Variants in CYP27C1 observed in about 807,000 individuals in gnomAD.
CYP27C1 encodes cytochrome P450 27C1.
CYP27C1 carries 29 observed loss-of-function variants against 40.6 expected under a neutral mutation model. That is an observed-to-expected ratio of 0.71 (90% confidence interval 0.53 to 0.97). CYP27C1 has a LOEUF of 0.97. Ranked by LOEUF, CYP27C1 falls within the 50% of genes least tolerant of loss-of-function variation. CYP27C1 has a pLI of 0.00. For synonymous variants in CYP27C1, 198 were observed against 186.8 expected (o/e 1.06, Z -0.49); for missense variants, 390 against 485.8 (o/e 0.80, Z 1.85).
intron 8 of CYP27C1, among the ~76,000 whole-genome samples, chr2:127,192,643 G>C (rs921721580): frequency 6.8e-5 from 9 of 133,020 alleles, no homozygotes; most frequent in African/African-American, 2.5e-4. Context: ...GCTGCTGACG[G>C]TGCCTGAGAG....
intron 2 of CYP27C1, among the ~76,000 whole-genome samples, chr2:127,204,555 G>GAGAGAGAA (rs1553503372): frequency 1.2e-3 from 46 of 39,178 alleles, no homozygotes; most frequent in Non-Finnish European, 1.6e-3. Flanking sequence ...GAGAGAGAGA[G>GAGAGAGAA]AGAAAGAAAG....
chr2:127,199,622 A>T (rs539154801), intron 4 of CYP27C1, 83 bp from the exon 5 acceptor site: 1 of 1,414,582 alleles, frequency 7.1e-7, no homozygotes, highest in East Asian at 2.6e-5. Context: ...TCCTCCCAGT[A>T]GCTTAACTAA....
chr2:127,217,919 G>A (rs561091231), intron 1 of CYP27C1, among the ~76,000 whole-genome samples: 1 of 152,312 alleles, frequency 6.6e-6, no homozygotes, highest in South Asian at 2.1e-4. Flanking sequence ...GCTGCAGGAA[G>A]GTGAGAGTCC....
intron 8 of CYP27C1, among the ~76,000 whole-genome samples, chr2:127,192,208 T>C (rs1037997236): frequency 2.0e-5 from 3 of 152,148 alleles, no homozygotes; most frequent in Non-Finnish European, 4.4e-5. Flanking sequence ...TGGCTGTTGC[T>C]TTCTGAGCCT....
At chr2:127,198,186 TACACACAC>T (rs3033450) in intron 5 of CYP27C1, among the ~76,000 whole-genome samples, 3 of 148,072 alleles carry the variant, frequency 2.0e-5, no homozygotes, top group Non-Finnish European at 4.5e-5. Flanking sequence ...AATTTGTTGA[TACACACAC>T]ACACACACAC....
In CYP27C1 at chr2:127,195,089, G is replaced by A. The variant is rs1306499978; in HGVS notation, c.1214+246C>T. Among the ~76,000 whole-genome samples the A allele has an allele frequency of 6.6e-6, 1 of 152,144 alleles. No individual in the cohort carries two copies. Among genetic ancestry groups the A allele is most frequent in the African/African-American group, 2.4e-5 (1 of 41,436 alleles). Reference sequence around the variant, plus strand: ...AGGTAATCTGCCTTGGCCTCCCAAAGTGCTGGGATTACAGGCGTGAGCCAC... The same window carrying A: ...AGGTAATCTGCCTTGGCCTCCCAAAATGCTGGGATTACAGGCGTGAGCCAC... On this transcript the variant is annotated intron_variant, in intron 6 of 8. Transcript: ENST00000664447. This position sits in a 1 kb window ranked among gnomAD's most constrained non-coding sequence, Gnocchi z 6.2.
rs79738076 is a variant in CYP27C1, at chr2:127,187,043, G to T, written c.*228C>A. 0.017 allele frequency: 8,579 copies of T among 496,854 alleles called. 108 individuals are homozygous for T. Among genetic ancestry groups the T allele is most frequent in the Non-Finnish European group, 0.023 (6,330 of 276,218 alleles). The allele number at this position is 496,854 out of a possible 1,614,324, so 30.8% of individuals were successfully genotyped here. On this transcript the variant is annotated 3_prime_UTR_variant, in exon 9 of 9. Transcript: ENST00000664447. The stretch of plus-strand genomic sequence containing the variant: ...CACTGCCACTGGTTTTTAAACAGCT[G>T]TTTCCCCCAAAGAAAGGGCAACTTC...
Position 127,185,422 on chromosome 2 carries a change from TAA to T in CYP27C1, c.*1847_*1848del, listed in dbSNP as rs1682600383. The T allele has an allele frequency of 6.6e-6, 1 of 152,338 alleles. No homozygotes were observed. The highest frequency in any genetic ancestry group is 2.1e-4 in the South Asian group (1 of 4,826). 9.4% of individuals were successfully genotyped at this position (152,338 alleles called of 1,614,324 possible). A position where few individuals can be genotyped will look rare whatever the true frequency, so the allele number is the denominator to read the frequency against. On this transcript the variant is annotated 3_prime_UTR_variant, in exon 9 of 9. Coordinates refer to ENST00000664447, the MANE Select transcript of CYP27C1 (RefSeq NM_001367502.1). This position sits in a 1 kb window ranked among gnomAD's most constrained non-coding sequence, Gnocchi z 4.9. Reference sequence around the variant, plus strand: ...TCACACTGTATGTATACCCAGGGAATAAGAGGTCACTTCAAGTCGCTTAGTTA... The same window carrying T: ...TCACACTGTATGTATACCCAGGGAATGAGGTCACTTCAAGTCGCTTAGTTA...
intron 1 of CYP27C1, among the ~76,000 whole-genome samples, chr2:127,212,250 C>T (rs1041691316): frequency 2.0e-5 from 3 of 152,336 alleles, no homozygotes; most frequent in African/African-American, 7.2e-5. Flanking sequence ...CAAAGAGGAG[C>T]TGGTACCATT....
In CYP27C1 at chr2:127,196,212, A is replaced by G. The variant is rs139219773; in HGVS notation, c.1048-711T>C. Among the ~76,000 whole-genome samples the G allele has an allele frequency of 0.076, 11,487 of 151,598 alleles. 543 individuals carry two copies. The highest frequency in any genetic ancestry group is 0.14 in the African/African-American group (5,693 of 41,244). ...CGAGTAGCTGGGACTACAGGCGCTC[A>G]CCACCACGCCCGGCTAATTTTTTGT... On this transcript the variant is annotated intron_variant, in intron 5 of 8. Transcript: ENST00000664447. The surrounding 1 kb of genome is among the most constrained non-coding windows in gnomAD (Gnocchi z 4.5).
chr2:127,197,526 T>C (rs967447553), intron 5 of CYP27C1, among the ~76,000 whole-genome samples: 1 of 152,164 alleles, frequency 6.6e-6, no homozygotes, highest in African/African-American at 2.4e-5. Flanking sequence ...CCCCACCTGT[T>C]AATGAAGTCA....
In CYP27C1 at chr2:127,198,084, T is replaced by C. The variant is rs371412173; in HGVS notation, c.1047+1292A>G. On this transcript the variant is annotated intron_variant, in intron 5 of 8. Transcript: ENST00000664447. ...GATAGCCTGTGGGTTCCCCCCAGGT[T>C]AATGGGCAGTGCTCTGTCTCATTCT... Among the ~76,000 whole-genome samples, 7 of 152,166 alleles carry C rather than the reference T, an allele frequency of 4.6e-5. No homozygotes were observed. The East Asian group carries it at 1.4e-3, about 29-fold the overall frequency.
intron 1 of CYP27C1, among the ~76,000 whole-genome samples, chr2:127,211,365 T>TTTTTTG (rs1683332734): frequency 2.1e-5 from 2 of 96,788 alleles, no homozygotes; most frequent in African/African-American, 6.4e-5. Flanking sequence ...AGCAGTGTTT[T>TTTTTTG]TTTGTTTTTT....
rs1683213615 is a variant in CYP27C1, at chr2:127,205,783, A to AT, written c.473+116dup. The AT allele has an allele frequency of 3.1e-6, 3 of 983,198 alleles. No homozygotes were observed. The African/African-American group carries it at 5.3e-5, about 17-fold the overall frequency. The allele number at this position is 983,198 out of a possible 1,614,324, so 60.9% of individuals were successfully genotyped here. On this transcript the variant is annotated intron_variant, in intron 2 of 8. Transcript: ENST00000664447. ...CAAGGAGACTGTCTGATATCATTCCATGGGGGGGTTCTGTGCTTTTTTAAG... is the reference window on the plus strand; with the variant it reads ...CAAGGAGACTGTCTGATATCATTCCATTGGGGGGGTTCTGTGCTTTTTTAAG...
chr2:127,212,709 C>A (rs1423625192), intron 1 of CYP27C1, among the ~76,000 whole-genome samples: 1 of 152,196 alleles, frequency 6.6e-6, no homozygotes, highest in Non-Finnish European at 1.5e-5. Context: ...CAGCCAATAT[C>A]ATATTGAATG....
chr2:127,195,324 G>A lies in CYP27C1; in HGVS notation c.1214+11C>T, dbSNP rs1466297867. ...ACACAGTTTGTTGACGGATTCTGGC[G>A]AGCCTTTTACCTCAGGGTTTCCTTA... is the stretch of plus-strand genomic sequence containing the variant. On this transcript the variant is annotated intron_variant, in intron 6 of 8. Transcript: ENST00000664447. The surrounding 1 kb of genome is among the most constrained non-coding windows in gnomAD (Gnocchi z 6.2). The A allele has an allele frequency of 9.3e-6, 15 of 1,613,866 alleles. No homozygotes were observed. Among genetic ancestry groups the A allele is most frequent in the Non-Finnish European group, 1.2e-5 (14 of 1,179,954 alleles).
Position 127,201,399 on chromosome 2 carries a change from C to T in CYP27C1, c.674-68G>A, listed in dbSNP as rs980948206. On this transcript the variant is annotated intron_variant, in intron 3 of 8. Coordinates refer to ENST00000664447, the MANE Select transcript of CYP27C1 (RefSeq NM_001367502.1). The surrounding 1 kb of genome is among the most constrained non-coding windows in gnomAD (Gnocchi z 6.0). ...TACCATACCAACAGGCAATGTTGGG[C>T]CATAAATGCAACTTTCAAACGTGGT... 4.1e-6 allele frequency: 6 copies of T among 1,469,930 alleles called. No homozygotes were observed. Among genetic ancestry groups the T allele is most frequent in the Non-Finnish European group, 5.6e-6 (6 of 1,072,292 alleles). 91.1% of individuals were successfully genotyped at this position (1,469,930 alleles called of 1,614,324 possible). A position where few individuals can be genotyped will look rare whatever the true frequency, so the allele number is the denominator to read the frequency against.
In CYP27C1 at chr2:127,191,339, C is replaced by T. The variant is rs979241908; in HGVS notation, c.1497+1755G>A. On this transcript the variant is annotated intron_variant, in intron 8 of 8. Coordinates refer to ENST00000664447, the MANE Select transcript of CYP27C1 (RefSeq NM_001367502.1). ...AAGCAAAAACTTTAGCAGTTATATT[C>T]ATATGTTGACAGCAGCAAACAAGAC... Among the ~76,000 whole-genome samples, 12 of 152,170 alleles carry T rather than the reference C, an allele frequency of 7.9e-5. No individual in the cohort carries two copies. In the South Asian group the frequency reaches 8.3e-4, roughly 11 times the overall value.
At chr2:127,214,165 A>G (rs1683383942) in intron 1 of CYP27C1, among the ~76,000 whole-genome samples, 1 of 152,244 alleles carries the variant, frequency 6.6e-6, no homozygotes, top group African/African-American at 2.4e-5. Context: ...CTAAAAAGTC[A>G]GGAATAGATG....
Sources: gnomAD v4.1 joint callset for allele counts (sites outside exome capture counted in the v4.1 genomes callset) on GRCh38, gnomAD v4.1.1 for gene constraint, Gnocchi (gnomAD v3.1) non-coding constraint, MANE v1.5 for transcripts, NCBI Gene and HGNC (gene_info 2026-07-23, HGNC 2026-07-21) for gene names.